The following CYB561 variants were observed in gnomAD, a reference collection of about 807,000 sequenced individuals.
The protein encoded by CYB561 is transmembrane ascorbate-dependent reductase CYB561.
Under a neutral mutation model 25.3 loss-of-function variants are expected in CYB561, and 11 were observed. The ratio of observed to expected loss-of-function variants is 0.44; its 90% CI spans 0.27 to 0.72. CYB561 has a LOEUF of 0.72. CYB561 is among the 30% of genes least tolerant of loss of function. The pLI is 0.18. For missense variants in CYB561, 295 were observed against 334.9 expected, an observed-to-expected ratio of 0.88 and a Z score of 0.93; for synonymous variants, 165 against 158.8, an observed-to-expected ratio of 1.04 and a Z score of -0.29.
intron 1 of CYB561, among the ~76,000 whole-genome samples, chr17:63,443,630 T>G (rs1376263218): frequency 6.6e-6 from 1 of 152,198 alleles, no homozygotes; most frequent in Non-Finnish European, 1.5e-5. Flanking sequence ...TTTAATTAAT[T>G]TTTTTGTTGT....
At chr17:63,444,974 G>A (rs369807870) in intron 1 of CYB561, among the ~76,000 whole-genome samples, 60 of 152,264 alleles carry the variant, frequency 3.9e-4, no homozygotes, top group African/African-American at 1.4e-3. Flanking sequence ...TTAGGAGTTC[G>A]AGACCAGCCT....
chr17:63,438,013 G>GCTCTCCTACC (rs1682811290), intron 1 of CYB561: 1 of 1,031,806 alleles, frequency 9.7e-7, no homozygotes, highest in Admixed American at 3.3e-5. Flanking sequence ...AGCAGCGCTC[G>GCTCTCCTACC]CTCTCCTACC....
At chr17:63,435,996 G>C (rs186070517) in intron 3 of CYB561, 58 bp downstream of exon 3, 21 of 1,612,868 alleles carry the variant, frequency 1.3e-5, no homozygotes, top group Non-Finnish European at 1.8e-5. Flanking sequence ...TGAAGCGGCT[G>C]TTTGCCATAC....
Position 63,436,436 on chromosome 17 carries a change from A to C in CYB561, c.203-284T>G, listed in dbSNP as rs1217344924. 2 of 358,008 alleles carry C rather than the reference A, an allele frequency of 5.6e-6. No individual in the cohort carries two copies. Among genetic ancestry groups the C allele is most frequent in the Non-Finnish European group, 1.0e-5 (2 of 193,222 alleles). 22.2% of individuals were successfully genotyped at this position (358,008 alleles called of 1,614,324 possible). ...AGGGCAGGGCCGGAGGCTGCACCAC[A>C]GTCCCCACCACCAGGACAGGCAGTG... On this transcript the variant is annotated intron_variant, in intron 2 of 5. Transcript: ENST00000360793. The surrounding 1 kb of genome is among the most constrained non-coding windows in gnomAD (Gnocchi z 4.8).
At chr17:63,440,642 T>A in intron 1 of CYB561, 1 of 175,476 alleles carries the variant, frequency 5.7e-6, no homozygotes, top group Non-Finnish European at 1.2e-5. Context: ...GGCTCCCTGC[T>A]GTGGGCCCAC....
chr17:63,435,149 A>T lies in CYB561; in HGVS notation c.500T>A (p.Ile167Asn). The part of the protein sequence containing the change: ...RPQHIFFGAT[I>N]FLLSVGTALL... ...GGCGGTGCCCACGGAAAGGAGGAAGATGGTAGCACCAAAGAAGATGTGCTG... is the reference window on the plus strand; with the variant it reads ...GGCGGTGCCCACGGAAAGGAGGAAGTTGGTAGCACCAAAGAAGATGTGCTG... The change falls in exon 5 of 6, where the codon ATC (isoleucine) becomes AAC (asparagine). Residue 167 changes from isoleucine (I) to asparagine (N), a missense_variant. Transcript: ENST00000360793. 1 of 1,614,226 alleles carries T rather than the reference A, an allele frequency of 6.2e-7. No individual in the cohort carries two copies.
intron 1 of CYB561, chr17:63,440,209 G>A (rs762028703): frequency 5.0e-6 from 2 of 398,572 alleles, no homozygotes; most frequent in Admixed American, 4.4e-5. Flanking sequence ...TCCCACAGAC[G>A]CTTCAAACCC....
rs1026198234 is a variant in CYB561, at chr17:63,434,134, C to T, written c.*268G>A. 74 of 424,970 alleles carry T rather than the reference C, an allele frequency of 1.7e-4. No homozygotes were observed. The highest frequency in any genetic ancestry group is 1.3e-3 in the African/African-American group (64 of 50,666). The allele number at this position is 424,970 out of a possible 1,614,324, so 26.3% of individuals were successfully genotyped here. ...TCTGTGCTCTGCGACCAGGACCGAA[C>T]ACCCGAAGTCCTACCCAAAGCCTTC... On this transcript the variant is annotated 3_prime_UTR_variant, in exon 6 of 6. Transcript: ENST00000360793.
chr17:63,439,599 A>G (rs2049354713), intron 1 of CYB561, among the ~76,000 whole-genome samples: 1 of 152,164 alleles, frequency 6.6e-6, no homozygotes, highest in Non-Finnish European at 1.5e-5. Context: ...CACGCACTGC[A>G]GTAGAATATG....
intron 5 of CYB561, 67 bp from the exon 6 acceptor site, chr17:63,434,661 C>T (rs1418261818): frequency 7.1e-7 from 1 of 1,403,430 alleles, no homozygotes; most frequent in Admixed American, 2.0e-5. Flanking sequence ...CCCTTTGTAT[C>T]CTGGGCCTTA....
chr17:63,440,224 C>A (rs1258257491), intron 1 of CYB561: 1 of 398,692 alleles, frequency 2.5e-6, no homozygotes, highest in African/African-American at 2.1e-5. Flanking sequence ...AAACCCAGCT[C>A]GTCCCAAGTC....
chr17:63,433,535 A>G lies in CYB561; in HGVS notation c.*867T>C. 2.5e-6 allele frequency: 1 copy of G among 394,150 alleles called. No homozygotes were observed. The highest frequency in any genetic ancestry group is 3.6e-5 in the East Asian group (1 of 27,852). 24.4% of individuals were successfully genotyped at this position (394,150 alleles called of 1,614,324 possible). A position where few individuals can be genotyped will look rare whatever the true frequency, so the allele number is the denominator to read the frequency against. On this transcript the variant is annotated 3_prime_UTR_variant, in exon 6 of 6. Transcript: ENST00000360793. ...GCAGCGGTTTTTCATTTAAAAAATTATAAGGTTTGTGCCCTCTGCCTCCCA... is the reference window on the plus strand; with the variant it reads ...GCAGCGGTTTTTCATTTAAAAAATTGTAAGGTTTGTGCCCTCTGCCTCCCA...
chr17:63,438,197 G>A, intron 1 of CYB561: 1 of 1,535,678 alleles, frequency 6.5e-7, no homozygotes, highest in Non-Finnish European at 8.7e-7. Context: ...TGAGCTCAAG[G>A]GCCCAGTGCC....
At chr17:63,441,564 A>G (rs954491294) in intron 1 of CYB561, among the ~76,000 whole-genome samples, 1 of 152,246 alleles carries the variant, frequency 6.6e-6, no homozygotes, top group African/African-American at 2.4e-5. Flanking sequence ...AGGGTGGTAC[A>G]AGTTCAAGCC....
chr17:63,436,113 C>A lies in CYB561; in HGVS notation c.242G>T (p.Arg81Leu). Residue 81 changes from arginine (R) to leucine (L), a missense_variant, in exon 3 of 6, where the codon CGC becomes CTC. Arg to Leu is a moderately radical substitution (Grantham distance 102, BLOSUM62 -2). Transcript: ENST00000360793. The surrounding 1 kb of genome is among the most constrained non-coding windows in gnomAD (Gnocchi z 4.8). Reference protein sequence around the residue: ...VYRVFRNEAKRTTKVLHGLLH... With the variant: ...VYRVFRNEAKLTTKVLHGLLH... ...CAGCCCGTGCAGGACCTTGGTGGTG[C>A]GTTTAGCTTCGTTCCTGAAGACACG... is the stretch of plus-strand genomic sequence containing the variant. 6.2e-7 allele frequency: 1 copy of A among 1,614,174 alleles called. No individual in the cohort carries two copies. Among genetic ancestry groups the A allele is most frequent in the East Asian group, 2.2e-5 (1 of 44,880 alleles).
At chr17:63,438,069 C>A in intron 1 of CYB561, 1 of 1,478,370 alleles carries the variant, frequency 6.8e-7, no homozygotes, top group Non-Finnish European at 9.0e-7. Flanking sequence ...GGTCTCAAGT[C>A]TCGGGAGTGG....
intron 1 of CYB561, among the ~76,000 whole-genome samples, chr17:63,443,823 A>G (rs943858088): frequency 9.2e-5 from 14 of 152,126 alleles, no homozygotes; most frequent in South Asian, 6.2e-4. Flanking sequence ...ATAGGGTCTC[A>G]CTATGTTGTG....
chr17:63,435,434 C>T (rs2049286251), intron 4 of CYB561, 191 bp from the exon 5 acceptor site: 2 of 683,418 alleles, frequency 2.9e-6, no homozygotes, highest in Admixed American at 2.9e-5. Flanking sequence ...TCCCCCAACG[C>T]TTGAGGCCTT....
In CYB561 at chr17:63,433,534, T is replaced by A. The variant is rs2147485993; in HGVS notation, c.*868A>T. On this transcript the variant is annotated 3_prime_UTR_variant, in exon 6 of 6. Coordinates refer to ENST00000360793, the MANE Select transcript of CYB561 (RefSeq NM_001915.4). ...AGCAGCGGTTTTTCATTTAAAAAAT[T>A]ATAAGGTTTGTGCCCTCTGCCTCCC... The A allele has an allele frequency of 2.5e-6, 1 of 393,972 alleles. No homozygotes were observed. Among genetic ancestry groups the A allele is most frequent in the Middle Eastern group, 6.4e-4 (1 of 1,572 alleles). 24.4% of individuals were successfully genotyped at this position (393,972 alleles called of 1,614,324 possible).
Sources: allele counts gnomAD v4.1 joint callset (sites outside exome capture counted in the v4.1 genomes callset), GRCh38; gene constraint gnomAD v4.1.1; non-coding constraint Gnocchi (gnomAD v3.1); transcripts MANE v1.5; gene names NCBI Gene and HGNC (gene_info 2026-07-23, HGNC 2026-07-21).